The following PALLD variants were observed in gnomAD, a reference collection of about 807,000 sequenced individuals.
PALLD encodes the protein palladin.
In PALLD, 61 loss-of-function variants were observed where a neutral mutation model predicts 123.5. That is an observed-to-expected ratio of 0.49 (90% confidence interval 0.40 to 0.61). PALLD has a LOEUF of 0.61. Ranked by LOEUF, PALLD falls within the 20% of genes least tolerant of loss-of-function variation. The pLI, the probability that PALLD is intolerant of heterozygous loss-of-function variation, is 0.00. For synonymous variants in PALLD, 465 were observed against 496.4 expected, an observed-to-expected ratio of 0.94 and a Z score of 0.84; for missense variants, 1,273 against 1,377.0, an observed-to-expected ratio of 0.92 and a Z score of 1.20.
intron 10 of PALLD, among the ~76,000 whole-genome samples, chr4:168,835,453 C>T (rs961062841): frequency 6.6e-6 from 1 of 152,102 alleles, no homozygotes; most frequent in Non-Finnish European, 1.5e-5. Flanking sequence ...AAATGGAACT[C>T]GACCAGATTT....
chr4:168,754,847 C>T (rs1464275968), intron 10 of PALLD, among the ~76,000 whole-genome samples: 2 of 152,210 alleles, frequency 1.3e-5, no homozygotes, highest in Non-Finnish European at 2.9e-5. Context: ...AACAAAGGTT[C>T]TGCCCTCATG....
chr4:168,756,973 T>C (rs1391748419), intron 10 of PALLD, among the ~76,000 whole-genome samples: 1 of 152,188 alleles, frequency 6.6e-6, no homozygotes, highest in Non-Finnish European at 1.5e-5. Context: ...GGACGATGTT[T>C]CAGGAAGAAA....
intron 9 of PALLD, among the ~76,000 whole-genome samples, chr4:168,711,169 T>C (rs1282994746): frequency 6.6e-6 from 1 of 152,234 alleles, no homozygotes; most frequent in Non-Finnish European, 1.5e-5. Flanking sequence ...AATATCCACA[T>C]AAAACCTTTA....
chr4:168,896,869 T>C (rs1755302399), intron 13 of PALLD, among the ~76,000 whole-genome samples: 3 of 152,174 alleles, frequency 2.0e-5, no homozygotes, highest in African/African-American at 7.2e-5. Flanking sequence ...TTCGCTCTTG[T>C]TGCCCAGGCT....
chr4:168,691,877 G>A (rs1026291210), intron 8 of PALLD, among the ~76,000 whole-genome samples: 2 of 152,088 alleles, frequency 1.3e-5, no homozygotes, highest in South Asian at 2.1e-4. Context: ...CAGGAGCCTC[G>A]GGCCTAGCTG....
intron 10 of PALLD, among the ~76,000 whole-genome samples, chr4:168,890,464 AG>A (rs1174983407): frequency 1.3e-5 from 2 of 152,364 alleles, no homozygotes; most frequent in East Asian, 3.9e-4. Flanking sequence ...ACAAAGCACT[AG>A]AAGACTGAAT....
At chr4:168,635,690 G>C (rs913542869) in intron 2 of PALLD, among the ~76,000 whole-genome samples, 1 of 152,202 alleles carries the variant, frequency 6.6e-6, no homozygotes, top group African/African-American at 2.4e-5. Flanking sequence ...CATCAACCCA[G>C]GGTCTGAGGG....
intron 10 of PALLD, among the ~76,000 whole-genome samples, chr4:168,858,330 T>C (rs1748914789): frequency 6.6e-6 from 1 of 152,226 alleles, no homozygotes; most frequent in Admixed American, 6.5e-5. Context: ...CATCTTGTTT[T>C]TATAAAGTTT....
At chr4:168,710,472 G>A (rs1185722134) in intron 9 of PALLD, among the ~76,000 whole-genome samples, 1 of 152,204 alleles carries the variant, frequency 6.6e-6, no homozygotes, top group African/African-American at 2.4e-5. Context: ...CGGACTTGGA[G>A]AGAACAACTG....
chr4:168,843,561 T>C (rs576531344), intron 10 of PALLD, among the ~76,000 whole-genome samples: 2 of 152,264 alleles, frequency 1.3e-5, no homozygotes, highest in East Asian at 3.9e-4. Context: ...AGTTTTCCAA[T>C]TGTAGTTTTG....
intron 10 of PALLD, among the ~76,000 whole-genome samples, chr4:168,760,121 C>T (rs546707969): frequency 6.6e-6 from 1 of 152,248 alleles, no homozygotes; most frequent in South Asian, 2.1e-4. Flanking sequence ...GGCGTTTCCA[C>T]ATGGCACTTC....
At chr4:168,543,760 G>C (rs1765872363) in intron 2 of PALLD, among the ~76,000 whole-genome samples, 1 of 152,116 alleles carries the variant, frequency 6.6e-6, no homozygotes, top group South Asian at 2.1e-4. Context: ...CTTTCGAAAA[G>C]TCTTAACAAA....
At chr4:168,772,168 C>G (rs1274465073) in intron 10 of PALLD, among the ~76,000 whole-genome samples, 1 of 152,040 alleles carries the variant, frequency 6.6e-6, no homozygotes, top group African/African-American at 2.4e-5. Context: ...AAACAGAGAC[C>G]AGAGGTGCAA....
At chr4:168,811,410 A>T (rs1269523527) in intron 10 of PALLD, among the ~76,000 whole-genome samples, 1 of 152,138 alleles carries the variant, frequency 6.6e-6, no homozygotes, top group Non-Finnish European at 1.5e-5. Context: ...TAGATAAGGA[A>T]GTGTATTTTT....
intron 2 of PALLD, among the ~76,000 whole-genome samples, chr4:168,602,127 G>A (rs572192129): frequency 6.6e-6 from 1 of 152,284 alleles, no homozygotes; most frequent in South Asian, 2.1e-4. Context: ...AAGAGTGCAG[G>A]GTCACAAGGT....
chr4:168,804,322 G>A (rs569614298), intron 10 of PALLD, among the ~76,000 whole-genome samples: 2 of 152,252 alleles, frequency 1.3e-5, no homozygotes, highest in African/African-American at 4.8e-5. Flanking sequence ...CCAGAAACCA[G>A]CTGCTTTTTC....
intron 2 of PALLD, among the ~76,000 whole-genome samples, chr4:168,621,642 T>C (rs2149797573): frequency 6.6e-6 from 1 of 152,300 alleles, no homozygotes; most frequent in African/African-American, 2.4e-5. Flanking sequence ...CTTGTTTTGG[T>C]ATGTAAGTCC....
chr4:168,606,243 T>C (rs1306789406), intron 2 of PALLD, among the ~76,000 whole-genome samples: 1 of 152,202 alleles, frequency 6.6e-6, no homozygotes, highest in African/African-American at 2.4e-5. Context: ...TTGTTGTTAC[T>C]TTCCTCTTTG....
At chr4:168,626,486 G>A (rs943378024) in intron 2 of PALLD, among the ~76,000 whole-genome samples, 2 of 151,462 alleles carry the variant, frequency 1.3e-5, no homozygotes, top group Non-Finnish European at 2.9e-5. Context: ...GAGGCGGGTG[G>A]ATTGCTTCAG....
Sources: gnomAD v4.1 joint callset for allele counts (sites outside exome capture counted in the v4.1 genomes callset) on GRCh38, gnomAD v4.1.1 for gene constraint, MANE v1.5 for transcripts, NCBI Gene and HGNC (gene_info 2026-07-23, HGNC 2026-07-21) for gene names.